SPIB: variants seen among roughly 807,000 people sequenced by gnomAD.
SPIB encodes Spi-B transcription factor, also known as transcription factor Spi-B.
In SPIB, 7 loss-of-function variants were observed where a neutral mutation model predicts 31.9. The ratio of observed to expected loss-of-function variants is 0.22; its 90% CI spans 0.12 to 0.41. The LOEUF (loss-of-function observed/expected upper bound fraction) is 0.41. SPIB is among the 10% of genes least tolerant of loss of function. The pLI, the probability that SPIB is intolerant of heterozygous loss-of-function variation, is 1.00. For synonymous variants in SPIB, 176 were observed against 158.9 expected (o/e 1.11, Z -0.81); for missense variants, 327 against 360.2 (o/e 0.91, Z 0.75).
At position 50,428,615 on chromosome 19, in the gene SPIB, A is replaced by C; in HGVS notation, c.*279A>C. ...GGTGACAGGACCTATGGACCACTAT[A>C]CTCGGGGAGGCAGGGTAGCAGTTCT... On this transcript the variant is annotated 3_prime_UTR_variant, in exon 6 of 6. Coordinates refer to ENST00000595883, the MANE Select transcript of SPIB (RefSeq NM_003121.5). This position sits in a 1 kb window ranked among gnomAD's most constrained non-coding sequence, Gnocchi z 6.5. 1 of 400,380 alleles carries C rather than the reference A, an allele frequency of 2.5e-6. No homozygotes were observed. The highest frequency in any genetic ancestry group is 4.4e-6 in the Non-Finnish European group (1 of 225,678). The allele number at this position is 400,380 out of a possible 1,614,324, so 24.8% of individuals were successfully genotyped here.
At chr19:50,422,680 C>T in intron 3 of SPIB, 135 bp downstream of exon 3, 1 of 1,097,860 alleles carries the variant, frequency 9.1e-7, no homozygotes, top group African/African-American at 1.6e-5. Flanking sequence ...CTCCCCTTTC[C>T]TCTCCTACCC....
chr19:50,423,950 G>T (rs1013824135), intron 5 of SPIB, among the ~76,000 whole-genome samples, 195 bp downstream of exon 5: 1 of 152,142 alleles, frequency 6.6e-6, no homozygotes, highest in Non-Finnish European at 1.5e-5. Context: ...TGTGCGATGG[G>T]GATGGAGGTG....
Position 50,429,532 on chromosome 19 carries a change from G to A in SPIB, c.*1196G>A, listed in dbSNP as rs142866083. ...AGCCTGGGCAACATAATGAGACCTCGTCTCTACAAAACATAACAAAAACAA... is the reference window on the plus strand; with the variant it reads ...AGCCTGGGCAACATAATGAGACCTCATCTCTACAAAACATAACAAAAACAA... On this transcript the variant is annotated 3_prime_UTR_variant, in exon 6 of 6. Transcript: ENST00000595883. 9.2e-3 allele frequency: 1,396 copies of A among 152,206 alleles called. 14 individuals carry two copies. The highest frequency in any genetic ancestry group is 0.015 in the Non-Finnish European group (988 of 68,116). 9.4% of individuals were successfully genotyped at this position (152,206 alleles called of 1,614,324 possible).
In SPIB at chr19:50,430,370, C is replaced by T. The variant is rs2039626289; in HGVS notation, c.*2034C>T. ...CTTGAGCCTGGGTGGGCAGGTGGAT[C>T]TAGGGTGCATGACTTGCTGCTTCCC... On this transcript the variant is annotated 3_prime_UTR_variant, in exon 6 of 6. Coordinates refer to ENST00000595883, the MANE Select transcript of SPIB (RefSeq NM_003121.5). The T allele has an allele frequency of 6.6e-6, 1 of 152,104 alleles. No homozygotes were observed. Among genetic ancestry groups the T allele is most frequent in the South Asian group, 2.1e-4 (1 of 4,828 alleles). 9.4% of individuals were successfully genotyped at this position (152,104 alleles called of 1,614,324 possible).
In SPIB at chr19:50,429,386, T is replaced by G. The variant is rs2039611537; in HGVS notation, c.*1050T>G. ...TTTAGTGCACTGTAGCACTTGGTGG[T>G]GGAGGTGTGAGGGATCCACATTAAC... On this transcript the variant is annotated 3_prime_UTR_variant, in exon 6 of 6. Transcript: ENST00000595883. 1 of 152,266 alleles carries G rather than the reference T, an allele frequency of 6.6e-6. No individual in the cohort carries two copies. Among genetic ancestry groups the G allele is most frequent in the African/African-American group, 2.4e-5 (1 of 41,400 alleles). 9.4% of individuals were successfully genotyped at this position (152,266 alleles called of 1,614,324 possible).
rs201501319 is a variant in SPIB, at chr19:50,419,674, C to T, written c.24-272C>T. On this transcript the variant is annotated intron_variant, in intron 1 of 5. Coordinates refer to ENST00000595883, the MANE Select transcript of SPIB (RefSeq NM_003121.5). ...CCTCTCCATCCCCACACCTCCTTTCCGGGACTTTCTCTCCCTCACTTTCCC... is the reference window on the plus strand; with the variant it reads ...CCTCTCCATCCCCACACCTCCTTTCTGGGACTTTCTCTCCCTCACTTTCCC... 1.5e-4 allele frequency among the ~76,000 whole-genome samples: 23 copies of T among 152,294 alleles called. No homozygotes were observed. In the East Asian group the frequency reaches 2.3e-3, roughly 15 times the overall value.
Position 50,428,067 on chromosome 19 carries a change from T to G in SPIB, c.520T>G (p.Phe174Val). Residue 174 changes from phenylalanine (F) to valine (V), a missense_variant, in exon 6 of 6, where the codon TTC (phenylalanine) becomes GTC (valine). Phe to Val is a conservative substitution (Grantham distance 50). This residue lies in a region of SPIB where 238 missense variants were observed against 228.8 expected (regional missense o/e 1.04). Coordinates refer to ENST00000595883, the MANE Select transcript of SPIB (RefSeq NM_003121.5). This position sits in a 1 kb window ranked among gnomAD's most constrained non-coding sequence, Gnocchi z 6.5. The stretch of plus-strand genomic sequence containing the variant: ...TCGCAAGAAGCTGCGCCTGTACCAG[T>G]TCCTGCTGGGGCTACTGACGCGCGG... ...GTRKKLRLYQ[F>V]LLGLLTRGDM... 1 of 1,565,586 alleles carries G rather than the reference T, an allele frequency of 6.4e-7. No homozygotes were observed. The highest frequency in any genetic ancestry group is 8.7e-7 in the Non-Finnish European group (1 of 1,153,218).
chr19:50,422,443 A>T lies in SPIB; in HGVS notation c.52-30A>T, dbSNP rs184593663. On this transcript the variant is annotated intron_variant, in intron 2 of 5. Transcript: ENST00000595883. ...TTGGGAGTCCCCAAGGCCTGGGATG[A>T]CCCCTCTTCCCTCCTGCACCCCGTA... is the stretch of plus-strand genomic sequence containing the variant. 2.7e-5 allele frequency: 44 copies of T among 1,608,580 alleles called. No individual in the cohort carries two copies. In the East Asian group the frequency reaches 9.2e-4, roughly 34 times the overall value.
intron 4 of SPIB, 54 bp from the exon 5 acceptor site, chr19:50,423,551 A>T: frequency 6.3e-7 from 1 of 1,588,828 alleles, no homozygotes; most frequent in Non-Finnish European, 8.6e-7. Flanking sequence ...GAGAGGAGGA[A>T]GTGGAGGGAG....
rs1298356537 is a variant in SPIB at position 50,419,007 on chromosome 19, T to C, written c.23+22T>C. On this transcript the variant is annotated intron_variant, in intron 1 of 5. Transcript: ENST00000595883. ...CACAGTAAGTGAGGGCCCCCAAACC[T>C]GCACCCGGGGTCCCCACCTGCACTG... 4 of 1,551,010 alleles carry C rather than the reference T, an allele frequency of 2.6e-6. No homozygotes were observed. In the Admixed American group the frequency reaches 7.8e-5, roughly 30 times the overall value.
intron 4 of SPIB, 51 bp downstream of exon 4, chr19:50,423,088 G>A (rs771571725): frequency 4.4e-6 from 4 of 908,102 alleles, no homozygotes; most frequent in African/African-American, 1.6e-5. Flanking sequence ...GTGTGGTGGT[G>A]CACGCCTGTA....
At chr19:50,423,450 C>G (rs2122548324) in intron 4 of SPIB, among the ~76,000 whole-genome samples, 155 bp from the exon 5 acceptor site, 1 of 152,270 alleles carries the variant, frequency 6.6e-6, no homozygotes, top group South Asian at 2.1e-4. Context: ...CAGGTGTCCC[C>G]TGGCCACAGC....
At chr19:50,427,665 G>T (rs1047564998) in intron 5 of SPIB, among the ~76,000 whole-genome samples, 1 of 152,236 alleles carries the variant, frequency 6.6e-6, no homozygotes, top group African/African-American at 2.4e-5. Flanking sequence ...AGATCTGTTC[G>T]CCTCTCCGTT....
intron 3 of SPIB, 117 bp downstream of exon 3, chr19:50,422,662 T>G: frequency 2.5e-6 from 3 of 1,210,938 alleles, no homozygotes; most frequent in Non-Finnish European, 3.6e-6. Context: ...CCCGGGCCTA[T>G]AGCCCTCCTC....
chr19:50,423,853 C>A, intron 5 of SPIB, 98 bp downstream of exon 5: 1 of 1,369,106 alleles, frequency 7.3e-7, no homozygotes, highest in Non-Finnish European at 9.9e-7. Context: ...TACTCCAGCA[C>A]TCTGGGCAGC....
Position 50,423,631 on chromosome 19 carries a change from G to C in SPIB, c.366G>C (p.Pro122=), listed in dbSNP as rs778109814. 1 of 1,613,874 alleles carries C rather than the reference G, an allele frequency of 6.2e-7. No homozygotes were observed. The highest frequency in any genetic ancestry group is 1.1e-5 in the South Asian group (1 of 91,066). ...SQTLVPPAYA[P]YPSPVLSEEE... is the part of the protein sequence containing the mutation. ...CCCTGGTTCCCCCGGCATATGCCCC[G>C]TACCCCAGCCCTGTGCTATCAGAGG... Residue 122 remains proline, a synonymous_variant, in exon 5 of 6, where the codon CCG becomes CCC. Coordinates refer to ENST00000595883, the MANE Select transcript of SPIB (RefSeq NM_003121.5).
intron 5 of SPIB, among the ~76,000 whole-genome samples, chr19:50,427,624 G>C (rs2039581285): frequency 6.6e-6 from 1 of 152,232 alleles, no homozygotes; most frequent in African/African-American, 2.4e-5. Flanking sequence ...CCAGGAGCTG[G>C]AGAGATAGCC....
At chr19:50,422,082 C>G (rs2039502632) in intron 2 of SPIB, among the ~76,000 whole-genome samples, 1 of 152,210 alleles carries the variant, frequency 6.6e-6, no homozygotes, top group Non-Finnish European at 1.5e-5. Flanking sequence ...TGACCCCTGC[C>G]TCTGTTAAGT....
chr19:50,428,683 T>G lies in SPIB; in HGVS notation c.*347T>G. The G allele has an allele frequency of 3.4e-6, 1 of 298,042 alleles. No individual in the cohort carries two copies. 18.5% of individuals were successfully genotyped at this position (298,042 alleles called of 1,614,324 possible). On this transcript the variant is annotated 3_prime_UTR_variant, in exon 6 of 6. Transcript: ENST00000595883. This position sits in a 1 kb window ranked among gnomAD's most constrained non-coding sequence, Gnocchi z 6.5. ...TTCTCTGGGATTTTCTTGTGATATC[T>G]GATTCCCCAGTGAGGCCTGGGACGT...
Sources: gnomAD v4.1 joint callset for allele counts (sites outside exome capture counted in the v4.1 genomes callset) on GRCh38, gnomAD v4.1.1 for gene constraint, gnomAD v4.1.1 regional missense constraint, Gnocchi (gnomAD v3.1) non-coding constraint, MANE v1.5 for transcripts, NCBI Gene and HGNC (gene_info 2026-07-23, HGNC 2026-07-21) for gene names.